Variants in TG observed in about 807,000 individuals in gnomAD.
TG encodes thyroid hormones.
TG carries 270 observed loss-of-function variants against 324.7 expected under a neutral mutation model. The ratio of observed to expected loss-of-function variants is 0.83; its 90% confidence interval spans 0.75 to 0.92. The LOEUF is 0.92. Ranked by LOEUF, TG falls within the 40% of genes least tolerant of loss-of-function variation. The pLI, the probability that TG is intolerant of heterozygous loss-of-function variation, is 0.00. For synonymous variants in TG, 1,401 were observed against 1,327.0 expected (o/e 1.06, Z -1.21); for missense variants, 3,591 against 3,456.4 (o/e 1.04, Z -0.98).
At position 132,906,760 on chromosome 8, in the gene TG, G is replaced by A; in HGVS notation, c.3707G>A (p.Gly1236Asp). ...GGTILCETIS[G>D]PTGSAMQQCQ... ...ACAATCCTGTGTGAGACAATCTCGGGCCCCACAGGCTCTGCCATGCAGCAG... is the reference window on the plus strand; with the variant it reads ...ACAATCCTGTGTGAGACAATCTCGGACCCCACAGGCTCTGCCATGCAGCAG... Residue 1236 changes from glycine (G) to aspartate (D), a missense_variant, in exon 17 of 48, where the codon GGC becomes GAC. Physicochemically the swap from Gly to Asp is moderately conservative, Grantham distance 94 (BLOSUM62 -1). Transcript: ENST00000220616. 1 of 1,614,230 alleles carries A rather than the reference G, an allele frequency of 6.2e-7. No homozygotes were observed. Among genetic ancestry groups the A allele is most frequent in the Middle Eastern group, 1.6e-4 (1 of 6,062 alleles).
At chr8:132,999,366 T>C (rs1021547246) in intron 35 of TG, among the ~76,000 whole-genome samples, 10 of 152,124 alleles carry the variant, frequency 6.6e-5, no homozygotes, top group African/African-American at 2.4e-4. Context: ...CAAAAGGACA[T>C]TCATTTCCCC....
chr8:133,106,735 C>G (rs1258118769), intron 43 of TG, among the ~76,000 whole-genome samples: 1 of 152,216 alleles, frequency 6.6e-6, no homozygotes, highest in African/African-American at 2.4e-5. Context: ...ATGCACGAAT[C>G]TTGTTCCTTA....
At chr8:132,936,087 C>T (rs1297841941) in intron 25 of TG, among the ~76,000 whole-genome samples, 1 of 152,258 alleles carries the variant, frequency 6.6e-6, no homozygotes, top group Non-Finnish European at 1.5e-5. Flanking sequence ...ATTTCCACAT[C>T]ATTCTCCTTT....
At chr8:133,113,703 T>G in intron 44 of TG, 100 bp downstream of exon 44, 1 of 1,383,394 alleles carries the variant, frequency 7.2e-7, no homozygotes, top group South Asian at 1.3e-5. Flanking sequence ...GCACGTGGCT[T>G]TGTGCTTGAG....
At chr8:133,109,923 G>A (rs894755830) in intron 43 of TG, among the ~76,000 whole-genome samples, 2 of 152,120 alleles carry the variant, frequency 1.3e-5, no homozygotes, top group Non-Finnish European at 2.9e-5. Context: ...ATCTTGGCTA[G>A]GGCTCTCACT....
chr8:133,050,004 C>T, intron 41 of TG: 1 of 1,554,278 alleles, frequency 6.4e-7, no homozygotes, highest in Non-Finnish European at 8.9e-7. Context: ...AGAACAAGAA[C>T]AGAGAAGAAC....
rs367588671 is a variant in TG, at chr8:133,062,727, C to T, written c.7240-32317C>T. On this transcript the variant is annotated intron_variant, in intron 41 of 47. Coordinates refer to ENST00000220616, the MANE Select transcript of TG (RefSeq NM_003235.5). ...CGCACAGGGTGTCGTACACAGGCCT[C>T]AGGAAGCATGGGTGTGACATGCACA... Among the ~76,000 whole-genome samples the T allele has an allele frequency of 7.2e-5, 11 of 152,170 alleles. No homozygotes were observed. In the East Asian group the frequency reaches 1.9e-3, roughly 27 times the overall value.
At chr8:133,060,995 G>A (rs929629264) in intron 41 of TG, among the ~76,000 whole-genome samples, 2 of 151,190 alleles carry the variant, frequency 1.3e-5, no homozygotes, top group Admixed American at 1.3e-4. Flanking sequence ...GATGACTTCG[G>A]GCAAGTCATT....
At chr8:133,094,116 C>T (rs1848027316) in intron 41 of TG, among the ~76,000 whole-genome samples, 1 of 152,158 alleles carries the variant, frequency 6.6e-6, no homozygotes, top group Non-Finnish European at 1.5e-5. Flanking sequence ...TGGTCAGGAC[C>T]CCACTCAGCT....
chr8:132,961,159 A>C, intron 28 of TG, 86 bp downstream of exon 28: 2 of 1,331,474 alleles, frequency 1.5e-6, no homozygotes, highest in Middle Eastern at 1.8e-4. Flanking sequence ...AGGGCACTCT[A>C]TTTCTGTAGA....
At chr8:133,122,457 A>T (rs1851215659) in intron 45 of TG, among the ~76,000 whole-genome samples, 1 of 152,212 alleles carries the variant, frequency 6.6e-6, no homozygotes, top group African/African-American at 2.4e-5. Context: ...AGTGAGTAGC[A>T]GTCTGGAGCC....
intron 35 of TG, among the ~76,000 whole-genome samples, chr8:132,984,466 AG>A (rs1189562887): frequency 5.3e-5 from 8 of 152,208 alleles, no homozygotes; most frequent in African/African-American, 1.9e-4. Flanking sequence ...AGATACTGTA[AG>A]GTTGGCATCG....
chr8:132,926,399 C>T (rs62514141), intron 22 of TG, among the ~76,000 whole-genome samples: 8,039 of 152,310 alleles, frequency 0.053, 234 homozygotes, highest in Non-Finnish European at 0.067. Flanking sequence ...CCTTAAATCT[C>T]TTCAGTGGTT....
chr8:132,988,899 G>A (rs1009339749), intron 35 of TG: 3 of 985,210 alleles, frequency 3.0e-6, no homozygotes, highest in Non-Finnish European at 3.6e-6. Context: ...TCTTAGAGGT[G>A]TGTATTAGTT....
In TG at chr8:133,110,882, C is replaced by T. The variant is rs369569314; in HGVS notation, c.7573-2540C>T. 1.7e-4 allele frequency among the ~76,000 whole-genome samples: 26 copies of T among 152,280 alleles called. No homozygotes were observed. The East Asian group carries it at 3.1e-3, about 18-fold the overall frequency. On this transcript the variant is annotated intron_variant, in intron 43 of 47. Coordinates refer to ENST00000220616, the MANE Select transcript of TG (RefSeq NM_003235.5). The stretch of plus-strand genomic sequence containing the variant: ...CCTAGCTCTTCTTAGCCCGCACCCA[C>T]GAACAACCAGCCACGACTAGGAGTG...
chr8:132,938,728 G>A (rs1326829337), intron 25 of TG, among the ~76,000 whole-genome samples: 2 of 152,096 alleles, frequency 1.3e-5, no homozygotes, highest in Non-Finnish European at 2.9e-5. Flanking sequence ...CACAGAGGAG[G>A]GGACATTGGA....
chr8:132,962,462 C>T (rs1160070537), intron 28 of TG, among the ~76,000 whole-genome samples: 1 of 152,166 alleles, frequency 6.6e-6, no homozygotes, highest in African/African-American at 2.4e-5. Flanking sequence ...AAATGAGGGA[C>T]TTACATTTCT....
intron 41 of TG, among the ~76,000 whole-genome samples, chr8:133,053,563 A>G (rs1840821092): frequency 6.6e-6 from 1 of 152,116 alleles, no homozygotes; most frequent in Non-Finnish European, 1.5e-5. Context: ...TGAAATGGGG[A>G]GGCACAGTGT....
intron 20 of TG, among the ~76,000 whole-genome samples, chr8:132,917,240 A>G (rs1001358878): frequency 9.9e-5 from 15 of 152,040 alleles, no homozygotes; most frequent in Admixed American, 8.5e-4. Flanking sequence ...CAGCTAGACC[A>G]TCCTGTGAAG....
Sources: allele counts gnomAD v4.1 joint callset (sites outside exome capture counted in the v4.1 genomes callset), GRCh38; gene constraint gnomAD v4.1.1; transcripts MANE v1.5; gene names NCBI Gene and HGNC (gene_info 2026-07-23, HGNC 2026-07-21).